The following RGS7BP variants were observed in gnomAD, a reference collection of about 807,000 sequenced individuals.
RGS7BP encodes the protein regulator of G protein signaling 7-binding protein.
Under a neutral mutation model 31.3 loss-of-function variants are expected in RGS7BP, and 9 were observed. The ratio of observed to expected loss-of-function variants is 0.29; its 90% confidence interval spans 0.17 to 0.50. The LOEUF (loss-of-function observed/expected upper bound fraction) is 0.50. RGS7BP is among the 20% of genes least tolerant of loss of function. The pLI is 0.98. For synonymous variants in RGS7BP, 115 were observed against 120.1 expected, an observed-to-expected ratio of 0.96 and a Z score of 0.28; for missense variants, 274 against 322.0, an observed-to-expected ratio of 0.85 and a Z score of 1.14.
chr5:64,564,598 A>G (rs926470530), intron 2 of RGS7BP, among the ~76,000 whole-genome samples: 6 of 152,156 alleles, frequency 3.9e-5, no homozygotes, highest in Non-Finnish European at 7.4e-5. Context: ...TATGTTTCAT[A>G]TCAAAGAAAG....
intron 3 of RGS7BP, among the ~76,000 whole-genome samples, chr5:64,593,918 A>T (rs1374142634): frequency 6.6e-6 from 1 of 152,166 alleles, no homozygotes; most frequent in Non-Finnish European, 1.5e-5. Flanking sequence ...AGACATTAAG[A>T]GATTGTGCCT....
At chr5:64,549,286 G>A (rs1398060248) in intron 2 of RGS7BP, among the ~76,000 whole-genome samples, 1 of 152,242 alleles carries the variant, frequency 6.6e-6, no homozygotes, top group Non-Finnish European at 1.5e-5. Context: ...AAAAAAGGAA[G>A]GGGTGACAGG....
intron 2 of RGS7BP, among the ~76,000 whole-genome samples, chr5:64,561,607 C>G (rs566061329): frequency 2.0e-5 from 3 of 152,166 alleles, no homozygotes; most frequent in Non-Finnish European, 4.4e-5. Flanking sequence ...AGCATGGTGT[C>G]TGGCACACAG....
chr5:64,533,387 T>C (rs1442357340), intron 2 of RGS7BP, among the ~76,000 whole-genome samples: 3 of 152,224 alleles, frequency 2.0e-5, no homozygotes, highest in African/African-American at 7.2e-5. Context: ...ACATGAGCTT[T>C]GGAAAGCATA....
intron 1 of RGS7BP, 27 bp from the exon 2 acceptor site, chr5:64,507,681 TAAA>T: frequency 5.4e-6 from 7 of 1,296,028 alleles, no homozygotes; most frequent in South Asian, 3.0e-5. Flanking sequence ...AAATGTTTGG[TAAA>T]AAAAAAAAAA....
At chr5:64,554,881 A>G (rs1430188286) in intron 2 of RGS7BP, among the ~76,000 whole-genome samples, 1 of 152,086 alleles carries the variant, frequency 6.6e-6, no homozygotes, top group Non-Finnish European at 1.5e-5. Context: ...ATAAATTCTA[A>G]AAATGAATAT....
intron 2 of RGS7BP, among the ~76,000 whole-genome samples, chr5:64,570,105 T>C (rs149006570): frequency 6.6e-6 from 1 of 152,246 alleles, no homozygotes; most frequent in East Asian, 1.9e-4. Flanking sequence ...AATGGCATAT[T>C]TATTTAAGCA....
At chr5:64,585,145 T>G (rs1054141235) in intron 3 of RGS7BP, among the ~76,000 whole-genome samples, 2 of 152,132 alleles carry the variant, frequency 1.3e-5, no homozygotes, top group African/African-American at 4.8e-5. Flanking sequence ...GTATGAAAAC[T>G]GCCCTGCAAG....
intron 2 of RGS7BP, among the ~76,000 whole-genome samples, chr5:64,574,361 G>A: frequency 6.6e-6 from 1 of 151,882 alleles, no homozygotes; most frequent in South Asian, 2.1e-4. Flanking sequence ...AGAAACGGAG[G>A]ACAGCTTGAG....
chr5:64,559,410 G>A lies in RGS7BP; in HGVS notation c.333-16364G>A, dbSNP rs527405486. On this transcript the variant is annotated intron_variant, in intron 2 of 5. Coordinates refer to ENST00000334025, the MANE Select transcript of RGS7BP (RefSeq NM_001029875.3). ...GCTCTATGGCTGTATGTTATATTTG[G>A]GGGAACCCTATCAGGTTGCCTGCTT... 3.3e-5 allele frequency among the ~76,000 whole-genome samples: 5 copies of A among 152,194 alleles called. No homozygotes were observed. In the South Asian group the frequency reaches 1.0e-3, roughly 32 times the overall value.
At chr5:64,525,080 G>A (rs1030995089) in intron 2 of RGS7BP, among the ~76,000 whole-genome samples, 1 of 151,968 alleles carries the variant, frequency 6.6e-6, no homozygotes, top group African/African-American at 2.4e-5. Context: ...GGGTCCAGGT[G>A]GTAAACATAC....
intron 5 of RGS7BP, among the ~76,000 whole-genome samples, chr5:64,606,126 T>A (rs1334987777): frequency 6.6e-6 from 1 of 151,504 alleles, no homozygotes; most frequent in African/African-American, 2.4e-5. Flanking sequence ...TAGGTTTTTT[T>A]TAATCCACTG....
chr5:64,555,465 T>C (rs1741898008), intron 2 of RGS7BP, among the ~76,000 whole-genome samples: 1 of 152,172 alleles, frequency 6.6e-6, no homozygotes, highest in African/African-American at 2.4e-5. Context: ...CAAGAAACTT[T>C]AAGTAAAAAT....
intron 2 of RGS7BP, among the ~76,000 whole-genome samples, chr5:64,521,029 T>C (rs1749095425): frequency 6.6e-6 from 1 of 152,216 alleles, no homozygotes; most frequent in African/African-American, 2.4e-5. Context: ...CCACAAATGG[T>C]GTTTAAAATC....
chr5:64,528,773 T>C (rs954859351), intron 2 of RGS7BP, among the ~76,000 whole-genome samples: 129 of 129,198 alleles, frequency 1.0e-3, no homozygotes, highest in African/African-American at 3.7e-3. Context: ...ATTGCACCAT[T>C]GCACTCCAGC....
chr5:64,521,764 A>G (rs544140487), intron 2 of RGS7BP, among the ~76,000 whole-genome samples: 36 of 152,340 alleles, frequency 2.4e-4, no homozygotes, highest in African/African-American at 7.2e-4. Flanking sequence ...GGTCCTTGAT[A>G]TATAATAAGC....
At chr5:64,589,892 T>C (rs1454508016) in intron 3 of RGS7BP, among the ~76,000 whole-genome samples, 9 of 148,636 alleles carry the variant, frequency 6.1e-5, no homozygotes, top group Non-Finnish European at 5.9e-5. Flanking sequence ...ATCACTGCAC[T>C]CTAGCCTGGG....
At chr5:64,554,419 A>T (rs2030467489) in intron 2 of RGS7BP, among the ~76,000 whole-genome samples, 1 of 152,108 alleles carries the variant, frequency 6.6e-6, no homozygotes, top group Admixed American at 6.6e-5. Flanking sequence ...GTGTAAAGAG[A>T]TGCTCTTCAA....
chr5:64,593,277 T>C (rs376934802), intron 3 of RGS7BP, among the ~76,000 whole-genome samples: 1 of 152,210 alleles, frequency 6.6e-6, no homozygotes, highest in Admixed American at 6.5e-5. Context: ...ACCACATGGG[T>C]TAGAAACTTC....
Sources: gnomAD v4.1 joint callset for allele counts (sites outside exome capture counted in the v4.1 genomes callset) on GRCh38, gnomAD v4.1.1 for gene constraint, MANE v1.5 for transcripts, NCBI Gene and HGNC (gene_info 2026-07-23, HGNC 2026-07-21) for gene names.